The following NIPA2 variants were observed in gnomAD, a reference collection of about 807,000 sequenced individuals.
NIPA2 encodes magnesium transporter NIPA2.
In NIPA2, 11 loss-of-function variants were observed where a neutral mutation model predicts 29.7. That is an observed-to-expected ratio of 0.37 (90% confidence interval 0.23 to 0.61). The LOEUF is 0.61. Among genes scored for constraint, NIPA2 ranks in the 20% least tolerant of loss-of-function variants. The probability of loss-of-function intolerance (pLI) is 0.66; values close to 1 mark genes in which losing one functional copy is unlikely to be tolerated. For synonymous variants in NIPA2, 183 were observed against 161.9 expected (o/e 1.13, Z -0.99); for missense variants, 426 against 437.9 (o/e 0.97, Z 0.24).
chr15:22,862,624 A>G (rs2058700316), intron 7 of NIPA2, among the ~76,000 whole-genome samples: 1 of 151,676 alleles, frequency 6.6e-6, no homozygotes, highest in Admixed American at 6.6e-5. Flanking sequence ...TTTGATTCCT[A>G]GTTATTTTAA....
intron 3 of NIPA2, among the ~76,000 whole-genome samples, chr15:22,850,251 C>CT (rs1330809893): frequency 6.6e-6 from 1 of 152,012 alleles, no homozygotes; most frequent in Admixed American, 6.6e-5. Context: ...GTACCCTTCA[C>CT]TCTGTTGTGA....
intron 5 of NIPA2, among the ~76,000 whole-genome samples, chr15:22,857,015 G>T (rs1353289849): frequency 6.6e-6 from 1 of 152,190 alleles, no homozygotes; most frequent in Non-Finnish European, 1.5e-5. Context: ...CTAATGCCAT[G>T]ACACATAGTA....
chr15:22,846,545 G>A (rs1898689616), intron 3 of NIPA2, among the ~76,000 whole-genome samples: 1 of 152,086 alleles, frequency 6.6e-6, no homozygotes. Context: ...AGGATGCAGT[G>A]GGTGACACTT....
intron 7 of NIPA2, among the ~76,000 whole-genome samples, chr15:22,862,898 CTT>C (rs59317671): frequency 5.4e-5 from 6 of 110,278 alleles, no homozygotes; most frequent in Non-Finnish European, 7.1e-5. Flanking sequence ...TGCCTTTATT[CTT>C]TTTTTTTTTT....
intron 5 of NIPA2, 93 bp from the exon 6 acceptor site, chr15:22,858,447 A>T: frequency 3.1e-6 from 2 of 643,074 alleles, no homozygotes; most frequent in Non-Finnish European, 5.4e-6. Flanking sequence ...AATACAGTTG[A>T]AATAATATAT....
chr15:22,858,710 T>C (rs1447502496), intron 6 of NIPA2, 80 bp downstream of exon 6: 3 of 820,188 alleles, frequency 3.7e-6, no homozygotes, highest in Non-Finnish European at 3.6e-6. Flanking sequence ...ATTAAATATG[T>C]TCAACACAAT....
chr15:22,850,159 A>T (rs2057621087), intron 3 of NIPA2, among the ~76,000 whole-genome samples: 1 of 152,038 alleles, frequency 6.6e-6, no homozygotes, highest in Admixed American at 6.6e-5. Flanking sequence ...TGTGTGTGTG[A>T]GTTAGCTATC....
chr15:22,843,640 A>G lies in NIPA2; in HGVS notation c.-215-1506A>G, dbSNP rs139628232. ...CTGTCTATGCACTTCATTTGGTGTAATTTTTTCAATTTTTTCCTTTTTTTT... is the reference window on the plus strand; with the variant it reads ...CTGTCTATGCACTTCATTTGGTGTAGTTTTTTCAATTTTTTCCTTTTTTTT... On this transcript the variant is annotated intron_variant, in intron 2 of 7. Transcript: ENST00000337451. Among the ~76,000 whole-genome samples the G allele has an allele frequency of 3.7e-3, 553 of 147,844 alleles. 2 individuals are homozygous for G. The highest frequency in any genetic ancestry group is 0.013 in the African/African-American group (531 of 40,128).
At chr15:22,860,363 T>C (rs1170390630) in intron 6 of NIPA2, among the ~76,000 whole-genome samples, 1 of 152,342 alleles carries the variant, frequency 6.6e-6, no homozygotes, top group East Asian at 1.9e-4. Flanking sequence ...TACAAATTTG[T>C]TCTTTATTAT....
At position 22,838,927 on chromosome 15, in the gene NIPA2, G is replaced by A. The variant is rs1387887274; in HGVS notation, c.-352+6G>A. The stretch of plus-strand genomic sequence containing the variant: ...CGGCCGGCCGGCCGACTAGGGTGAG[G>A]TCGCCACTCCTTCCTTTCAGGCAAG... On this transcript the variant is annotated splice_donor_region_variant and intron_variant, in intron 1 of 7. Transcript: ENST00000337451. 3 of 152,266 alleles carry A rather than the reference G, an allele frequency of 2.0e-5. No individual in the cohort carries two copies. The highest frequency in any genetic ancestry group is 2.9e-5 in the Non-Finnish European group (2 of 68,068). 9.4% of individuals were successfully genotyped at this position (152,266 alleles called of 1,614,324 possible). A position where few individuals can be genotyped will look rare whatever the true frequency, so the allele number is the denominator to read the frequency against.
chr15:22,852,849 C>G (rs1207286930), intron 4 of NIPA2, among the ~76,000 whole-genome samples: 4 of 152,194 alleles, frequency 2.6e-5, no homozygotes, highest in Non-Finnish European at 5.9e-5. Flanking sequence ...TACCACCCTT[C>G]TGTCTTCCCT....
chr15:22,851,642 T>G lies in NIPA2; in HGVS notation c.-90T>G. 1.8e-6 allele frequency: 2 copies of G among 1,093,382 alleles called. No homozygotes were observed. Among genetic ancestry groups the G allele is most frequent in the South Asian group, 3.4e-5 (2 of 59,408 alleles). The allele number at this position is 1,093,382 out of a possible 1,614,324, so 67.7% of individuals were successfully genotyped here. A position where few individuals can be genotyped will look rare whatever the true frequency, so the allele number is the denominator to read the frequency against. ...CATTTCATTTTTTATTGTTTAGGTT[T>G]GAAGACTGCTTCATTCTGCCTCTAG... On this transcript the variant is annotated 5_prime_UTR_variant, in exon 4 of 8. It removes the in-frame stop codon of an upstream open reading frame in the 5' UTR. Coordinates refer to ENST00000337451, the MANE Select transcript of NIPA2 (RefSeq NM_030922.7).
rs2141205490 is a variant in NIPA2 at position 22,850,752 on chromosome 15, C to G, written c.-93-887C>G. 1.3e-5 allele frequency among the ~76,000 whole-genome samples: 2 copies of G among 152,250 alleles called. 1 individual carries two copies. Among genetic ancestry groups the G allele is most frequent in the East Asian group, 3.9e-4 (2 of 5,190 alleles). On this transcript the variant is annotated intron_variant, in intron 3 of 7. Transcript: ENST00000337451. Reference sequence around the variant, plus strand: ...TTGGTTAAAAGCCAGTGTCTCATAACTTGAAGAACGGAAAAACATGGCTAG... The same window carrying G: ...TTGGTTAAAAGCCAGTGTCTCATAAGTTGAAGAACGGAAAAACATGGCTAG...
intron 4 of NIPA2, among the ~76,000 whole-genome samples, chr15:22,852,692 T>A (rs529623004): frequency 1.3e-5 from 2 of 152,288 alleles, no homozygotes; most frequent in East Asian, 3.9e-4. Flanking sequence ...ATCAGGATGA[T>A]TGGCCCTGCC....
intron 5 of NIPA2, among the ~76,000 whole-genome samples, chr15:22,853,981 C>G (rs1368193798): frequency 6.6e-6 from 1 of 151,826 alleles, no homozygotes. Flanking sequence ...GTGCGCACCA[C>G]TATGCCCAGC....
At chr15:22,849,015 C>T (rs2057508002) in intron 3 of NIPA2, among the ~76,000 whole-genome samples, 1 of 152,060 alleles carries the variant, frequency 6.6e-6, no homozygotes, top group South Asian at 2.1e-4. Context: ...GATCAACAAG[C>T]CATGCAGGAT....
intron 7 of NIPA2, among the ~76,000 whole-genome samples, chr15:22,861,279 T>C (rs911525972): frequency 1.7e-4 from 26 of 152,204 alleles, no homozygotes; most frequent in Non-Finnish European, 2.9e-4. Context: ...GAGGTATTCT[T>C]TGTTTCATCT....
intron 7 of NIPA2, 24 bp downstream of exon 7, chr15:22,860,813 T>A (rs1566861540): frequency 6.6e-7 from 1 of 1,526,194 alleles, no homozygotes; most frequent in Non-Finnish European, 8.8e-7. Context: ...CTTATTAGTC[T>A]TACTGTATTT....
chr15:22,865,176 G>T (rs1052261483), intron 7 of NIPA2, among the ~76,000 whole-genome samples: 4 of 149,140 alleles, frequency 2.7e-5, no homozygotes, highest in African/African-American at 9.8e-5. Flanking sequence ...TCTTAATTTT[G>T]TGTATTTGTG....
Sources: gnomAD v4.1 joint callset for allele counts (sites outside exome capture counted in the v4.1 genomes callset) on GRCh38, gnomAD v4.1.1 for gene constraint, MANE v1.5 for transcripts, NCBI Gene and HGNC (gene_info 2026-07-23, HGNC 2026-07-21) for gene names.